The following BABAM2 variants were observed in gnomAD, a reference collection of about 807,000 sequenced individuals.
BABAM2 encodes BRISC and BRCA1-A complex member 2.
In BABAM2, 31 loss-of-function variants were observed where a neutral mutation model predicts 54.7. The observed-to-expected ratio is 0.57, with a 90% CI of 0.43 to 0.77. The LOEUF is 0.77. BABAM2 is among the 30% of genes least tolerant of loss of function. The pLI, the probability that BABAM2 is intolerant of heterozygous loss-of-function variation, is 0.00. For missense variants in BABAM2, 364 were observed against 455.8 expected (o/e 0.80, Z 1.83); for synonymous variants, 167 against 162.9 (o/e 1.03, Z -0.19).
At chr2:27,963,581 A>G (rs1378947857) in intron 3 of BABAM2, among the ~76,000 whole-genome samples, 1 of 152,144 alleles carries the variant, frequency 6.6e-6, no homozygotes, top group Non-Finnish European at 1.5e-5. Context: ...TTAGTAGCCA[A>G]CATGGATTTA....
intron 6 of BABAM2, among the ~76,000 whole-genome samples, chr2:28,091,757 G>A (rs1666175889): frequency 6.6e-6 from 1 of 152,112 alleles, no homozygotes; most frequent in African/African-American, 2.4e-5. Context: ...AGTGAAATGT[G>A]GCTTAGTTTT....
chr2:28,010,056 A>C (rs1674281117), intron 4 of BABAM2, among the ~76,000 whole-genome samples: 1 of 152,194 alleles, frequency 6.6e-6, no homozygotes, highest in Non-Finnish European at 1.5e-5. Flanking sequence ...CATTGTGTGC[A>C]TGTCAGTAAT....
chr2:27,891,962 G>C (rs984419810), intron 1 of BABAM2, among the ~76,000 whole-genome samples: 1 of 152,094 alleles, frequency 6.6e-6, no homozygotes, highest in Non-Finnish European at 1.5e-5. Flanking sequence ...CAGTAGGTCA[G>C]CAATAGTCCA....
intron 3 of BABAM2, among the ~76,000 whole-genome samples, chr2:27,956,505 C>T (rs915197687): frequency 1.3e-5 from 2 of 152,070 alleles, no homozygotes; most frequent in Admixed American, 6.6e-5. Context: ...CTGTGATTTC[C>T]AAGATCTGTT....
chr2:28,137,717 C>T (rs1670677808), intron 7 of BABAM2, among the ~76,000 whole-genome samples: 1 of 152,142 alleles, frequency 6.6e-6, no homozygotes, highest in African/African-American at 2.4e-5. Context: ...TATCTAGCTT[C>T]CTTTTTAGGC....
At chr2:28,023,097 T>G (rs566983756) in intron 4 of BABAM2, among the ~76,000 whole-genome samples, 1 of 152,142 alleles carries the variant, frequency 6.6e-6, no homozygotes, top group Non-Finnish European at 1.5e-5. Flanking sequence ...AATAAAGAAA[T>G]TATATTTTAA....
At chr2:27,930,157 A>G (rs894907150) in intron 3 of BABAM2, 2 of 395,194 alleles carry the variant, frequency 5.1e-6, no homozygotes, top group Non-Finnish European at 9.2e-6. Context: ...GGTAATTTTT[A>G]TGTGTTTTTT....
At chr2:27,951,849 G>A (rs779090855) in intron 3 of BABAM2, among the ~76,000 whole-genome samples, 33 of 151,986 alleles carry the variant, frequency 2.2e-4, no homozygotes, top group Admixed American at 1.8e-3. Context: ...TTTATCCCTC[G>A]CCCTATTTTA....
rs997709706 is a variant in BABAM2, at chr2:28,136,884, T to C, written c.680+7504T>C. 2.0e-5 allele frequency among the ~76,000 whole-genome samples: 3 copies of C among 152,144 alleles called. No homozygotes were observed. The East Asian group carries it at 5.8e-4, about 29-fold the overall frequency. The stretch of plus-strand genomic sequence containing the variant: ...GAACTGAAAATTAAAATAATACTAC[T>C]TAAAATTATGAATGAGTAAGGATAT... On this transcript the variant is annotated intron_variant, in intron 7 of 11. Transcript: ENST00000379624.
rs536779802 is a variant in BABAM2 at position 28,275,383 on chromosome 2, A to G, written c.935-22955A>G. Among the ~76,000 whole-genome samples, 11 of 152,310 alleles carry G rather than the reference A, an allele frequency of 7.2e-5. 1 individual carries two copies. In the South Asian group the frequency reaches 2.1e-3, roughly 29 times the overall value. ...CTTTGATATTTCAGTATTGCTGCCC[A>G]GGTTGTGAAGGTATAAGCCTCATGC... On this transcript the variant is annotated intron_variant, in intron 10 of 11. Coordinates refer to ENST00000379624, the MANE Select transcript of BABAM2 (RefSeq NM_199191.3).
At chr2:28,127,133 C>T (rs1211145535) in intron 6 of BABAM2, among the ~76,000 whole-genome samples, 1 of 151,988 alleles carries the variant, frequency 6.6e-6, no homozygotes, top group East Asian at 1.9e-4. Flanking sequence ...TGCAGAAGCT[C>T]TTTAGTTTAA....
intron 2 of BABAM2, among the ~76,000 whole-genome samples, chr2:27,900,893 A>T (rs6709765): frequency 0.64 from 96,996 of 151,556 alleles, 33,100 homozygotes; most frequent in Middle Eastern, 0.79. Flanking sequence ...AATACAAAAA[A>T]TTAGCCGGGC....
chr2:28,011,749 A>G (rs1359162064), intron 4 of BABAM2, among the ~76,000 whole-genome samples: 1 of 152,314 alleles, frequency 6.6e-6, no homozygotes, highest in South Asian at 2.1e-4. Context: ...CATACTGCCT[A>G]TTCCTGTGGG....
intron 11 of BABAM2, among the ~76,000 whole-genome samples, chr2:28,303,712 C>T (rs548960551): frequency 6.6e-5 from 10 of 151,880 alleles, no homozygotes; most frequent in African/African-American, 1.7e-4. Flanking sequence ...CCCACTCCAA[C>T]GCCCCCCCCA....
chr2:28,112,101 C>CTTTA (rs1202967547), intron 6 of BABAM2, among the ~76,000 whole-genome samples: 1 of 8,194 alleles, frequency 1.2e-4, no homozygotes, highest in Admixed American at 1.4e-3. Flanking sequence ...TTCTTTCTTT[C>CTTTA]TTTCTTTCTT....
In BABAM2 at chr2:28,052,812, A is replaced by G. The variant is rs188780376; in HGVS notation, c.570+7013A>G. On this transcript the variant is annotated intron_variant, in intron 6 of 11. Coordinates refer to ENST00000379624, the MANE Select transcript of BABAM2 (RefSeq NM_199191.3). Reference sequence around the variant, plus strand: ...TGACAGTCACATTTTGTGACTTGCCATTAAAGATTGAATAAGTTGGCAGAG... The same window carrying G: ...TGACAGTCACATTTTGTGACTTGCCGTTAAAGATTGAATAAGTTGGCAGAG... Among the ~76,000 whole-genome samples, 12 of 152,322 alleles carry G rather than the reference A, an allele frequency of 7.9e-5. No individual in the cohort carries two copies. The South Asian group carries it at 2.3e-3, about 29-fold the overall frequency.
intron 4 of BABAM2, among the ~76,000 whole-genome samples, chr2:28,009,504 G>A (rs901296257): frequency 6.6e-6 from 1 of 152,118 alleles, no homozygotes; most frequent in African/African-American, 2.4e-5. Flanking sequence ...TGGTAGCTTG[G>A]GATGTTAATG....
intron 2 of BABAM2, among the ~76,000 whole-genome samples, chr2:27,899,689 ACTC>A (rs1349172040): frequency 6.6e-6 from 1 of 151,912 alleles, no homozygotes; most frequent in African/African-American, 2.4e-5. Flanking sequence ...TTGGTGTCAA[ACTC>A]CTGACCTCAG....
rs77982238 is a variant in BABAM2 at position 28,229,478 on chromosome 2, T to C, written c.681-7724T>C. On this transcript the variant is annotated intron_variant, in intron 7 of 11. Coordinates refer to ENST00000379624, the MANE Select transcript of BABAM2 (RefSeq NM_199191.3). ...ACTACTCTGTTCTGTGGAGAATTCA[T>C]TTACCAACTAAATTCCTCTTAATGC... Among the ~76,000 whole-genome samples the C allele has an allele frequency of 6.5e-3, 996 of 152,336 alleles. 3 individuals carry two copies. The highest frequency in any genetic ancestry group is 0.011 in the Non-Finnish European group (775 of 68,026).
Sources: gnomAD v4.1 joint callset for allele counts (sites outside exome capture counted in the v4.1 genomes callset) on GRCh38, gnomAD v4.1.1 for gene constraint, MANE v1.5 for transcripts, NCBI Gene and HGNC (gene_info 2026-07-23, HGNC 2026-07-21) for gene names.